The following CNTNAP2 variants were observed in gnomAD, a reference collection of about 807,000 sequenced individuals.
CNTNAP2 encodes the protein contactin associated protein 2.
A neutral mutation model predicts 155.2 loss-of-function variants in CNTNAP2; 98 were observed. That is an observed-to-expected ratio of 0.63 (90% CI 0.54 to 0.75). CNTNAP2 has a LOEUF of 0.75. Ranked by LOEUF, CNTNAP2 falls within the 30% of genes least tolerant of loss-of-function variation. The pLI, the probability that CNTNAP2 is intolerant of heterozygous loss-of-function variation, is 0.00. For missense variants in CNTNAP2, 1,727 were observed against 1,688.1 expected (o/e 1.02, Z -0.40); for synonymous variants, 651 against 631.2 (o/e 1.03, Z -0.47).
At chr7:148,127,735 C>A in intron 16 of CNTNAP2, among the ~76,000 whole-genome samples, 1 of 152,154 alleles carries the variant, frequency 6.6e-6, no homozygotes. Flanking sequence ...TAGTTTCACT[C>A]TTGTAGATGT....
chr7:146,385,537 A>T (rs1198898874), intron 1 of CNTNAP2, among the ~76,000 whole-genome samples: 1 of 152,200 alleles, frequency 6.6e-6, no homozygotes, highest in Non-Finnish European at 1.5e-5. Flanking sequence ...ATATGAAACA[A>T]AACAAAAGAT....
chr7:146,400,957 C>G (rs978818286), intron 1 of CNTNAP2, among the ~76,000 whole-genome samples: 10 of 152,084 alleles, frequency 6.6e-5, no homozygotes, highest in African/African-American at 2.4e-4. Context: ...GTGGCAAACC[C>G]AAACTCACCC....
chr7:147,702,055 GT>G (rs553693695), intron 13 of CNTNAP2, among the ~76,000 whole-genome samples: 28,100 of 111,866 alleles, frequency 0.25, 2,821 homozygotes, highest in African/African-American at 0.3. Context: ...ACTTTGGTTG[GT>G]TTTTTTTTTT....
chr7:147,163,056 C>T (rs941453997), intron 8 of CNTNAP2, among the ~76,000 whole-genome samples: 1 of 152,056 alleles, frequency 6.6e-6, no homozygotes, highest in Non-Finnish European at 1.5e-5. Flanking sequence ...GTCATGAAAA[C>T]TAGGAAAGGG....
chr7:148,132,405 A>G (rs1173196411), intron 16 of CNTNAP2, among the ~76,000 whole-genome samples: 4 of 139,530 alleles, frequency 2.9e-5, no homozygotes, highest in Admixed American at 1.4e-4. Context: ...TTTTTAGTTT[A>G]GGTACTTCTC....
intron 8 of CNTNAP2, among the ~76,000 whole-genome samples, chr7:147,257,488 A>G (rs1388075541): frequency 6.6e-6 from 1 of 152,212 alleles, no homozygotes; most frequent in Non-Finnish European, 1.5e-5. Flanking sequence ...ACCTTCTGCC[A>G]TAATAGCCTC....
intron 10 of CNTNAP2, among the ~76,000 whole-genome samples, chr7:147,407,424 T>C (rs75317569): frequency 0.49 from 66,483 of 135,820 alleles, 17,994 homozygotes; most frequent in African/African-American, 0.77. Context: ...GCCGAGATCA[T>C]GCCACTGCAC....
At chr7:146,470,793 C>A (rs189237081) in intron 1 of CNTNAP2, among the ~76,000 whole-genome samples, 1 of 152,212 alleles carries the variant, frequency 6.6e-6, no homozygotes, top group East Asian at 1.9e-4. Flanking sequence ...TGGTCTTGAG[C>A]TCCTGACTTC....
chr7:146,254,990 T>C (rs995285575), intron 1 of CNTNAP2, among the ~76,000 whole-genome samples: 1 of 151,976 alleles, frequency 6.6e-6, no homozygotes, highest in Non-Finnish European at 1.5e-5. Flanking sequence ...TTGCATGATA[T>C]CAGAATGGGA....
chr7:147,470,499 G>T (rs1223350864), intron 10 of CNTNAP2, among the ~76,000 whole-genome samples: 2 of 151,328 alleles, frequency 1.3e-5, no homozygotes, highest in Non-Finnish European at 2.9e-5. Flanking sequence ...TTGGATTAGG[G>T]TAATAGCAGT....
intron 1 of CNTNAP2, among the ~76,000 whole-genome samples, chr7:146,675,054 A>C (rs1800373931): frequency 1.3e-5 from 2 of 152,046 alleles, no homozygotes; most frequent in Non-Finnish European, 2.9e-5. Context: ...GATCTCTTTC[A>C]CCCCAACCAA....
chr7:147,790,739 A>T (rs568183758), intron 13 of CNTNAP2, among the ~76,000 whole-genome samples: 1 of 152,250 alleles, frequency 6.6e-6, no homozygotes, highest in Admixed American at 6.5e-5. Context: ...ATAACTTTTT[A>T]AAGAAATGCT....
intron 8 of CNTNAP2, among the ~76,000 whole-genome samples, chr7:147,275,094 A>T (rs1256960325): frequency 1.3e-5 from 2 of 152,172 alleles, no homozygotes; most frequent in East Asian, 3.9e-4. Context: ...AGATAATGTG[A>T]TGCTCCTTGC....
At chr7:146,395,825 AGG>A (rs1795616502) in intron 1 of CNTNAP2, among the ~76,000 whole-genome samples, 1 of 134,234 alleles carries the variant, frequency 7.4e-6, no homozygotes, top group Admixed American at 7.2e-5. Context: ...AGATAGATAG[AGG>A]AGAGAGAGAG....
chr7:147,789,119 C>A (rs1479044612), intron 13 of CNTNAP2, among the ~76,000 whole-genome samples: 1 of 151,846 alleles, frequency 6.6e-6, no homozygotes, highest in East Asian at 1.9e-4. Flanking sequence ...GTTGGCCAGG[C>A]TGGTCTCAAA....
chr7:146,748,570 G>A (rs113963449), intron 1 of CNTNAP2, among the ~76,000 whole-genome samples: 1,564 of 152,244 alleles, frequency 0.01, 22 homozygotes, highest in African/African-American at 0.036. Flanking sequence ...AAAGTTGAAA[G>A]TTCACTAGTT....
intron 1 of CNTNAP2, among the ~76,000 whole-genome samples, chr7:146,373,405 T>TACACACACAC (rs3050924): frequency 9.9e-4 from 142 of 143,642 alleles, no homozygotes; most frequent in African/African-American, 3.4e-3. Flanking sequence ...ACTTAACACA[T>TACACACACAC]ACACACACAC....
chr7:146,360,101 A>G (rs1246115053), intron 1 of CNTNAP2, among the ~76,000 whole-genome samples: 1 of 152,148 alleles, frequency 6.6e-6, no homozygotes, highest in Non-Finnish European at 1.5e-5. Context: ...ACCTGATACA[A>G]TCTGAAATCC....
intron 1 of CNTNAP2, among the ~76,000 whole-genome samples, chr7:146,681,540 G>A: frequency 1.2e-5 from 1 of 83,088 alleles, no homozygotes; most frequent in South Asian, 6.9e-4. Flanking sequence ...GGGTGGTGGG[G>A]GAGGGAGATG....
Sources: gnomAD v4.1 joint callset for allele counts (sites outside exome capture counted in the v4.1 genomes callset) on GRCh38, gnomAD v4.1.1 for gene constraint, MANE v1.5 for transcripts, NCBI Gene and HGNC (gene_info 2026-07-23, HGNC 2026-07-21) for gene names.